The following ITM2C variants were observed in gnomAD, a reference collection of about 807,000 sequenced individuals.
ITM2C encodes the protein BRICHOS domain containing 2C.
A neutral mutation model predicts 30.0 loss-of-function variants in ITM2C; 20 were observed. The observed-to-expected ratio is 0.67, with a 90% CI of 0.47 to 0.97. ITM2C has a LOEUF of 0.97. Ranked by LOEUF, ITM2C falls within the 50% of genes least tolerant of loss-of-function variation. The probability of loss-of-function intolerance (pLI) is 0.00; values close to 1 mark genes in which losing one functional copy is unlikely to be tolerated. For synonymous variants in ITM2C, 167 were observed against 156.4 expected (o/e 1.07, Z -0.51); for missense variants, 366 against 371.9 (o/e 0.98, Z 0.13).
chr2:230,875,488 T>C, intron 2 of ITM2C, 132 bp from the exon 3 acceptor site: 1 of 740,574 alleles, frequency 1.4e-6, no homozygotes, highest in Non-Finnish European at 2.2e-6. Context: ...GAAATGGGTC[T>C]CACAGTCCCT....
At chr2:230,876,473 C>T (rs140909453) in intron 3 of ITM2C, among the ~76,000 whole-genome samples, 2 of 152,142 alleles carry the variant, frequency 1.3e-5, no homozygotes, top group Admixed American at 6.5e-5. Context: ...ACTCCTGCCC[C>T]TGCTGGCCAA....
In ITM2C at chr2:230,865,678, C is replaced by T. The variant is rs79984995; in HGVS notation, c.120+533C>T. The T allele has an allele frequency of 0.025, 3,820 of 152,612 alleles. 75 individuals carry two copies. Among genetic ancestry groups the T allele is most frequent in the Middle Eastern group, 0.037 (11 of 294 alleles). The allele number at this position is 152,612 out of a possible 1,614,324, so 9.5% of individuals were successfully genotyped here. On this transcript the variant is annotated intron_variant, in intron 1 of 5. Transcript: ENST00000326427. This position sits in a 1 kb window ranked among gnomAD's most constrained non-coding sequence, Gnocchi z 6.8. ...TGATTTCCTCCGAAATTGGGGGCTGCGAGGGACAGAGGATGTGCTGCTGGC... is the reference window on the plus strand; with the variant it reads ...TGATTTCCTCCGAAATTGGGGGCTGTGAGGGACAGAGGATGTGCTGCTGGC...
chr2:230,874,850 C>A (rs1170310708), intron 2 of ITM2C, among the ~76,000 whole-genome samples: 1 of 152,200 alleles, frequency 6.6e-6, no homozygotes, highest in Non-Finnish European at 1.5e-5. Context: ...GATGGGATCA[C>A]ACCAGGCTGC....
At chr2:230,873,389 C>T in intron 1 of ITM2C, 28 bp from the exon 2 acceptor site, 3 of 1,507,594 alleles carry the variant, frequency 2.0e-6, no homozygotes, top group Non-Finnish European at 1.8e-6. Flanking sequence ...GGCCCTGGCC[C>T]CCACTGACCC....
intron 2 of ITM2C, 117 bp from the exon 3 acceptor site, chr2:230,875,503 T>C (rs1337659508): frequency 2.3e-6 from 2 of 876,772 alleles, no homozygotes; most frequent in East Asian, 2.5e-5. Context: ...GTCCCTGCTC[T>C]TCTTGCTTCC....
chr2:230,867,019 T>C (rs1356577967), intron 1 of ITM2C, among the ~76,000 whole-genome samples: 1 of 152,194 alleles, frequency 6.6e-6, no homozygotes, highest in Non-Finnish European at 1.5e-5. Flanking sequence ...GCGTCCTTTC[T>C]TCCCCCTCAC....
At position 230,879,065 on chromosome 2, in the gene ITM2C, A is replaced by G. The variant is rs1690025347; in HGVS notation, c.*966A>G. On this transcript the variant is annotated 3_prime_UTR_variant, in exon 6 of 6. Coordinates refer to ENST00000326427, the MANE Select transcript of ITM2C (RefSeq NM_030926.6). ...ATGCACCTTTTTCCCTTTCCTTCTC[A>G]CTTTTGCATGTTTTTACTGATCATT... 1 of 152,022 alleles carries G rather than the reference A, an allele frequency of 6.6e-6. No homozygotes were observed. Among genetic ancestry groups the G allele is most frequent in the Non-Finnish European group, 1.5e-5 (1 of 67,940 alleles). 9.4% of individuals were successfully genotyped at this position (152,022 alleles called of 1,614,324 possible). A position where few individuals can be genotyped will look rare whatever the true frequency, so the allele number is the denominator to read the frequency against.
intron 2 of ITM2C, among the ~76,000 whole-genome samples, chr2:230,875,185 G>A (rs1289344479): frequency 1.3e-5 from 2 of 152,196 alleles, no homozygotes; most frequent in African/African-American, 4.8e-5. Flanking sequence ...TCTGGTGTCT[G>A]CACCTCTGTG....
rs200242722 is a variant in ITM2C at position 230,875,737 on chromosome 2, G to A, written c.379G>A (p.Glu127Lys). The A allele has an allele frequency of 1.4e-5, 23 of 1,610,560 alleles. No homozygotes were observed. Among genetic ancestry groups the A allele is most frequent in the Non-Finnish European group, 1.8e-5 (21 of 1,178,222 alleles). Residue 127 changes from glutamate to lysine, a missense_variant, in exon 3 of 6, where the codon GAG (glutamate) becomes AAG (lysine). Coordinates refer to ENST00000326427, the MANE Select transcript of ITM2C (RefSeq NM_030926.6). ...GAAAATCTACCTCGACGAGAACTAC[G>A]AGCGCATCAACGTGCCTGTGCCCCA... ...DVKIYLDENY[E>K]RINVPVPQFG...
chr2:230,877,859 G>C lies in ITM2C; in HGVS notation c.713-149G>C. Reference sequence around the variant, plus strand: ...CATGGGCAGGCTGACTCCAGCTTTCGAGCTCTCCCCATTTCTCACTGTGCT... The same window carrying C: ...CATGGGCAGGCTGACTCCAGCTTTCCAGCTCTCCCCATTTCTCACTGTGCT... On this transcript the variant is annotated intron_variant, in intron 5 of 5. Transcript: ENST00000326427. The surrounding 1 kb of genome is among the most constrained non-coding windows in gnomAD (Gnocchi z 4.8). 1 of 686,126 alleles carries C rather than the reference G, an allele frequency of 1.5e-6. No individual in the cohort carries two copies. Among genetic ancestry groups the C allele is most frequent in the South Asian group, 1.9e-5 (1 of 53,068 alleles). The allele number at this position is 686,126 out of a possible 1,614,324, so 42.5% of individuals were successfully genotyped here.
At chr2:230,872,425 G>A (rs1013639400) in intron 1 of ITM2C, among the ~76,000 whole-genome samples, 3 of 152,094 alleles carry the variant, frequency 2.0e-5, no homozygotes, top group Non-Finnish European at 4.4e-5. Context: ...AGTGCTCTGG[G>A]TAAAGCAGTT....
intron 1 of ITM2C, among the ~76,000 whole-genome samples, chr2:230,867,934 C>T (rs1179927358): frequency 1.3e-5 from 2 of 152,136 alleles, no homozygotes; most frequent in Non-Finnish European, 2.9e-5. Context: ...GTTGGGATTA[C>T]AGGTGTCAGC....
chr2:230,868,630 T>A (rs1697090790), intron 1 of ITM2C, among the ~76,000 whole-genome samples: 1 of 152,222 alleles, frequency 6.6e-6, no homozygotes, highest in Non-Finnish European at 1.5e-5. Context: ...TGGTCCTGTG[T>A]CACCCCCTCC....
At chr2:230,871,047 A>T (rs1003754575) in intron 1 of ITM2C, among the ~76,000 whole-genome samples, 2 of 152,260 alleles carry the variant, frequency 1.3e-5, no homozygotes, top group Non-Finnish European at 2.9e-5. Flanking sequence ...TTTATCTAGC[A>T]CTTGATCCTT....
intron 3 of ITM2C, among the ~76,000 whole-genome samples, chr2:230,876,113 G>A (rs575164348): frequency 1.3e-5 from 2 of 152,220 alleles, no homozygotes; most frequent in Admixed American, 6.5e-5. Context: ...ACAGCTCAGC[G>A]GGTCTCTGCA....
At chr2:230,876,237 C>T (rs1697293934) in intron 3 of ITM2C, among the ~76,000 whole-genome samples, 1 of 152,188 alleles carries the variant, frequency 6.6e-6, no homozygotes, top group African/African-American at 2.4e-5. Flanking sequence ...CATAAATGCA[C>T]AGCTGGGATG....
rs1697017248 is a variant in ITM2C at position 230,865,952 on chromosome 2, C to A, written c.120+807C>A. 6.6e-6 allele frequency among the ~76,000 whole-genome samples: 1 copy of A among 152,226 alleles called. No individual in the cohort carries two copies. Among genetic ancestry groups the A allele is most frequent in the Admixed American group, 6.5e-5 (1 of 15,288 alleles). On this transcript the variant is annotated intron_variant, in intron 1 of 5. Transcript: ENST00000326427. This position sits in a 1 kb window ranked among gnomAD's most constrained non-coding sequence, Gnocchi z 6.8. ...GCATCCTGGGTCCCCGGGCTCTGTG[C>A]GCGTTCCCCCACCCCTGTCATCCCC...
chr2:230,874,999 T>C (rs1697254983), intron 2 of ITM2C, among the ~76,000 whole-genome samples: 1 of 152,126 alleles, frequency 6.6e-6, no homozygotes, highest in African/African-American at 2.4e-5. Context: ...GTAACCGTGA[T>C]AGGGGCACAA....
intron 1 of ITM2C, among the ~76,000 whole-genome samples, chr2:230,868,265 C>G (rs561105613): frequency 6.4e-4 from 97 of 152,266 alleles, no homozygotes; most frequent in East Asian, 2.1e-3. Flanking sequence ...GCCTCCCCCC[C>G]TGGTGTTTTG....
Sources: gnomAD v4.1 joint callset for allele counts (sites outside exome capture counted in the v4.1 genomes callset) on GRCh38, gnomAD v4.1.1 for gene constraint, Gnocchi (gnomAD v3.1) non-coding constraint, MANE v1.5 for transcripts, NCBI Gene and HGNC (gene_info 2026-07-23, HGNC 2026-07-21) for gene names.